SEMA6D: variants seen among roughly 807,000 people sequenced by gnomAD.
SEMA6D encodes semaphorin 6D.
Under a neutral mutation model 106.6 loss-of-function variants are expected in SEMA6D, and 35 were observed. The observed-to-expected ratio is 0.33, with a 90% confidence interval of 0.25 to 0.44. The LOEUF is 0.44. Among genes scored for constraint, SEMA6D ranks in the 20% least tolerant of loss-of-function variants. The pLI is 1.00. For missense variants in SEMA6D, 1,185 were observed against 1,345.9 expected (o/e 0.88, Z 1.87); for synonymous variants, 499 against 487.7 (o/e 1.02, Z -0.31).
chr15:47,493,538 C>T (rs997594536), intron 3 of SEMA6D, among the ~76,000 whole-genome samples: 5 of 152,104 alleles, frequency 3.3e-5, no homozygotes, highest in Non-Finnish European at 5.9e-5. Flanking sequence ...ACACCCTTGA[C>T]GGAGAATCAG....
chr15:47,744,486 T>G (rs530429896), intron 1 of SEMA6D, among the ~76,000 whole-genome samples: 3 of 152,182 alleles, frequency 2.0e-5, no homozygotes, highest in African/African-American at 7.2e-5. Context: ...TGCTAGCCTG[T>G]GGGACCACCT....
chr15:47,292,122 T>C (rs1479832949), intron 1 of SEMA6D, among the ~76,000 whole-genome samples: 1 of 152,240 alleles, frequency 6.6e-6, no homozygotes, highest in East Asian at 1.9e-4. Context: ...GAATAGAATA[T>C]GCACTGTTTC....
chr15:47,302,070 C>T (rs921284843), intron 1 of SEMA6D, among the ~76,000 whole-genome samples: 1 of 152,150 alleles, frequency 6.6e-6, no homozygotes, highest in Non-Finnish European at 1.5e-5. Context: ...TTAGCCCCTA[C>T]TGCATACAGT....
intron 3 of SEMA6D, among the ~76,000 whole-genome samples, chr15:47,508,969 A>AACT (rs1420182775): frequency 1.3e-5 from 2 of 152,162 alleles, no homozygotes; most frequent in East Asian, 3.8e-4. Context: ...GGGGAGACAG[A>AACT]ACTGAAACTC....
At chr15:47,408,781 T>C (rs2040684861) in intron 1 of SEMA6D, among the ~76,000 whole-genome samples, 1 of 152,192 alleles carries the variant, frequency 6.6e-6, no homozygotes, top group South Asian at 2.1e-4. Context: ...ATAGAGATTC[T>C]CCCAGAACTA....
At chr15:47,653,749 T>G (rs146386597) in intron 4 of SEMA6D, among the ~76,000 whole-genome samples, 1,541 of 152,374 alleles carry the variant, frequency 0.01, 16 homozygotes, top group South Asian at 0.045. Flanking sequence ...TATCTTATAT[T>G]TCTCTTGTAT....
chr15:47,689,058 G>C (rs1335398723), intron 4 of SEMA6D, among the ~76,000 whole-genome samples: 5 of 152,174 alleles, frequency 3.3e-5, no homozygotes, highest in Admixed American at 2.0e-4. Context: ...GAAAAGGAGG[G>C]TCTGGGAGGC....
chr15:47,666,476 G>A (rs1185672820), intron 4 of SEMA6D, among the ~76,000 whole-genome samples: 3 of 152,144 alleles, frequency 2.0e-5, no homozygotes, highest in Admixed American at 1.3e-4. Flanking sequence ...AGGAGAATTG[G>A]GGAGACTGCA....
chr15:47,766,696 T>C lies in SEMA6D; in HGVS notation c.1708+19T>C, dbSNP rs2082360265. ...TGCCATGGTAAGACAGAATCTTCCA[T>C]TCCCACCTGGAGCTTCTTTTTGACC... On this transcript the variant is annotated intron_variant, in intron 16 of 18. Coordinates refer to ENST00000536845, the MANE Select transcript of SEMA6D (RefSeq NM_001358351.3). 6.6e-7 allele frequency: 1 copy of C among 1,523,156 alleles called. No homozygotes were observed. Among genetic ancestry groups the C allele is most frequent in the Non-Finnish European group, 9.1e-7 (1 of 1,099,440 alleles). 94.4% of individuals were successfully genotyped at this position (1,523,156 alleles called of 1,614,324 possible).
chr15:47,451,191 TG>T (rs1355449811), intron 2 of SEMA6D, among the ~76,000 whole-genome samples: 1 of 152,060 alleles, frequency 6.6e-6, no homozygotes, highest in Non-Finnish European at 1.5e-5. Flanking sequence ...ACACAGGTTA[TG>T]GCAAGGATTT....
At chr15:47,615,172 TA>T (rs1415815501) in intron 4 of SEMA6D, among the ~76,000 whole-genome samples, 1 of 151,970 alleles carries the variant, frequency 6.6e-6, no homozygotes, top group African/African-American at 2.4e-5. Flanking sequence ...ATTTGGAAAA[TA>T]GCAATAAAAA....
At chr15:47,632,787 T>C (rs974690611) in intron 4 of SEMA6D, among the ~76,000 whole-genome samples, 2 of 152,006 alleles carry the variant, frequency 1.3e-5, no homozygotes, top group African/African-American at 4.8e-5. Context: ...ATTATTCATA[T>C]GTTAATGCTT....
chr15:47,748,628 G>C (rs777006931), intron 1 of SEMA6D, among the ~76,000 whole-genome samples: 3 of 152,220 alleles, frequency 2.0e-5, no homozygotes, highest in Non-Finnish European at 4.4e-5. Context: ...TTTCAGGAAG[G>C]ACGTTTTAGA....
At chr15:47,621,550 A>G (rs183513619) in intron 4 of SEMA6D, among the ~76,000 whole-genome samples, 11 of 152,090 alleles carry the variant, frequency 7.2e-5, no homozygotes, top group African/African-American at 2.2e-4. Flanking sequence ...GGGTCCCCAG[A>G]GTGCCTGAGT....
intron 1 of SEMA6D, among the ~76,000 whole-genome samples, chr15:47,314,513 G>C (rs1339089144): frequency 7.0e-6 from 1 of 143,434 alleles, no homozygotes; most frequent in Non-Finnish European, 1.5e-5. Context: ...CAGGAGAATG[G>C]CGTGAACCCG....
intron 3 of SEMA6D, among the ~76,000 whole-genome samples, chr15:47,538,107 T>G (rs2045232522): frequency 6.6e-6 from 1 of 152,132 alleles, no homozygotes; most frequent in African/African-American, 2.4e-5. Context: ...GTAGAGAGAC[T>G]AAGATGTGAT....
At chr15:47,752,543 G>A (rs1322952566) in intron 1 of SEMA6D, among the ~76,000 whole-genome samples, 1 of 152,178 alleles carries the variant, frequency 6.6e-6, no homozygotes, top group African/African-American at 2.4e-5. Context: ...CAGGGCTACA[G>A]GAGGTATTTT....
At chr15:47,275,732 C>T (rs1418874008) in intron 1 of SEMA6D, among the ~76,000 whole-genome samples, 1 of 151,914 alleles carries the variant, frequency 6.6e-6, no homozygotes, top group East Asian at 1.9e-4. Context: ...AATTAGTAAC[C>T]CTACATTGGC....
At chr15:47,363,635 C>A (rs2038898148) in intron 1 of SEMA6D, among the ~76,000 whole-genome samples, 1 of 152,124 alleles carries the variant, frequency 6.6e-6, no homozygotes, top group African/African-American at 2.4e-5. Context: ...GGGGCGATTT[C>A]ATCATTGTGC....
Sources: allele counts gnomAD v4.1 joint callset (sites outside exome capture counted in the v4.1 genomes callset), GRCh38; gene constraint gnomAD v4.1.1; transcripts MANE v1.5; gene names NCBI Gene and HGNC (gene_info 2026-07-23, HGNC 2026-07-21).